Variants in GALNTL6 observed in about 807,000 individuals in gnomAD.
GALNTL6 encodes polypeptide N-acetylgalactosaminyltransferase-like 6.
In GALNTL6, 46 loss-of-function variants were observed where a neutral mutation model predicts 73.7. That is an observed-to-expected ratio of 0.62 (90% CI 0.49 to 0.80). The LOEUF (loss-of-function observed/expected upper bound fraction) is 0.80, where lower values mean the gene tolerates loss of function less well. GALNTL6 is among the 30% of genes least tolerant of loss of function. The pLI, the probability that GALNTL6 is intolerant of heterozygous loss-of-function variation, is 0.00. For missense variants in GALNTL6, 604 were observed against 755.0 expected (o/e 0.80, Z 2.34); for synonymous variants, 259 against 263.7 (o/e 0.98, Z 0.17).
At chr4:172,058,082 C>G (rs1333297263) in intron 2 of GALNTL6, among the ~76,000 whole-genome samples, 1 of 147,452 alleles carries the variant, frequency 6.8e-6, no homozygotes, top group African/African-American at 2.6e-5. Flanking sequence ...CAGGGCCTCA[C>G]TCTGTACAAT....
intron 5 of GALNTL6, among the ~76,000 whole-genome samples, chr4:172,424,176 C>A (rs1731147956): frequency 6.6e-6 from 1 of 152,032 alleles, no homozygotes; most frequent in Non-Finnish European, 1.5e-5. Flanking sequence ...TAAGAACATT[C>A]AACTATGCAC....
chr4:172,306,063 T>C (rs1740126130), intron 3 of GALNTL6, among the ~76,000 whole-genome samples: 1 of 152,154 alleles, frequency 6.6e-6, no homozygotes, highest in Non-Finnish European at 1.5e-5. Flanking sequence ...GGTGGATGTA[T>C]ACATTTTACT....
At chr4:172,876,938 G>A (rs1422327083) in intron 7 of GALNTL6, among the ~76,000 whole-genome samples, 1 of 152,138 alleles carries the variant, frequency 6.6e-6, no homozygotes, top group Non-Finnish European at 1.5e-5. Context: ...AAATTATGTG[G>A]TTCATCTATA....
intron 2 of GALNTL6, among the ~76,000 whole-genome samples, chr4:172,176,402 G>A (rs17058107): frequency 1.4e-5 from 2 of 144,828 alleles, no homozygotes; most frequent in Non-Finnish European, 3.0e-5. Context: ...TGAAAATAAC[G>A]TTTATAGCCA....
At chr4:172,217,303 A>G (rs1248328854) in intron 2 of GALNTL6, among the ~76,000 whole-genome samples, 22 of 152,198 alleles carry the variant, frequency 1.4e-4, no homozygotes. Context: ...TCTTTGTTAC[A>G]TAATGTTACG....
chr4:172,457,258 A>G (rs1239990506), intron 5 of GALNTL6, among the ~76,000 whole-genome samples: 1 of 152,180 alleles, frequency 6.6e-6, no homozygotes, highest in African/African-American at 2.4e-5. Context: ...CTGCAAAAAC[A>G]TACCAAATTG....
In GALNTL6 at chr4:172,752,537, ATTAG is replaced by A. The variant is rs1405662874; in HGVS notation, c.554-56820_554-56817del. Reference sequence around the variant, plus strand: ...TAGTAAATGAAACATAAGTTGCTTAATTAGTTATTCTTTAATTTGTGGTATAAAG... The same window carrying A: ...TAGTAAATGAAACATAAGTTGCTTAATTATTCTTTAATTTGTGGTATAAAG... On this transcript the variant is annotated intron_variant, in intron 5 of 12. Transcript: ENST00000506823. Among the ~76,000 whole-genome samples the A allele has an allele frequency of 2.6e-5, 4 of 152,186 alleles. No individual in the cohort carries two copies. In the East Asian group the frequency reaches 7.7e-4, roughly 29 times the overall value.
intron 3 of GALNTL6, among the ~76,000 whole-genome samples, chr4:172,233,431 A>C (rs1737140941): frequency 6.6e-6 from 1 of 152,080 alleles, no homozygotes; most frequent in Non-Finnish European, 1.5e-5. Flanking sequence ...AGATCCACCT[A>C]GTCTTCATTT....
intron 5 of GALNTL6, among the ~76,000 whole-genome samples, chr4:172,423,741 T>C (rs891541368): frequency 2.0e-5 from 3 of 152,104 alleles, no homozygotes; most frequent in Non-Finnish European, 4.4e-5. Flanking sequence ...GTCTATTTTA[T>C]TCACTCATGT....
chr4:172,162,445 A>G (rs972886191), intron 2 of GALNTL6, among the ~76,000 whole-genome samples: 3 of 152,044 alleles, frequency 2.0e-5, no homozygotes, highest in African/African-American at 7.2e-5. Context: ...TACATCTCTG[A>G]AAAAACTATT....
chr4:172,082,712 A>G (rs569518752), intron 2 of GALNTL6, among the ~76,000 whole-genome samples: 100 of 152,296 alleles, frequency 6.6e-4, no homozygotes, highest in Middle Eastern at 3.4e-3. Context: ...AAAATATTTT[A>G]CTTTAATGGC....
chr4:172,496,557 C>G (rs991194587), intron 5 of GALNTL6, among the ~76,000 whole-genome samples: 1 of 151,976 alleles, frequency 6.6e-6, no homozygotes, highest in Non-Finnish European at 1.5e-5. Flanking sequence ...TAGGCAAACA[C>G]CTGTAGTTCC....
At chr4:172,856,346 T>G (rs1373543372) in intron 7 of GALNTL6, among the ~76,000 whole-genome samples, 3 of 152,224 alleles carry the variant, frequency 2.0e-5, no homozygotes, top group African/African-American at 7.2e-5. Flanking sequence ...AAAATTGTTT[T>G]AGTATAACCT....
intron 5 of GALNTL6, among the ~76,000 whole-genome samples, chr4:172,397,055 G>A (rs1743873963): frequency 6.6e-6 from 1 of 152,014 alleles, no homozygotes; most frequent in Non-Finnish European, 1.5e-5. Flanking sequence ...ATGTAAATTC[G>A]AGATGGAACT....
intron 5 of GALNTL6, among the ~76,000 whole-genome samples, chr4:172,491,212 T>C (rs1339984740): frequency 2.0e-5 from 3 of 152,180 alleles, no homozygotes; most frequent in Non-Finnish European, 4.4e-5. Flanking sequence ...AGAATAATCA[T>C]CATTTAATTC....
chr4:172,050,119 A>G (rs1730805555), intron 2 of GALNTL6, among the ~76,000 whole-genome samples: 1 of 152,122 alleles, frequency 6.6e-6, no homozygotes, highest in South Asian at 2.1e-4. Flanking sequence ...AGTAGTGGTA[A>G]CTTTGGTTTT....
At chr4:172,514,515 G>C (rs1734533518) in intron 5 of GALNTL6, among the ~76,000 whole-genome samples, 1 of 152,140 alleles carries the variant, frequency 6.6e-6, no homozygotes, top group South Asian at 2.1e-4. Context: ...TCTCTGCCGA[G>C]AAATCAAGCA....
chr4:172,277,150 C>T (rs1011898388), intron 3 of GALNTL6, among the ~76,000 whole-genome samples: 1 of 151,988 alleles, frequency 6.6e-6, no homozygotes, highest in Non-Finnish European at 1.5e-5. Flanking sequence ...GGCTGTTGCT[C>T]ACCATTCTTC....
intron 5 of GALNTL6, among the ~76,000 whole-genome samples, chr4:172,488,360 G>A (rs1263187466): frequency 6.6e-6 from 1 of 152,228 alleles, no homozygotes. Context: ...CTACGTGATG[G>A]CCAGGGCCTC....
Sources: gnomAD v4.1 joint callset for allele counts (sites outside exome capture counted in the v4.1 genomes callset) on GRCh38, gnomAD v4.1.1 for gene constraint, MANE v1.5 for transcripts, NCBI Gene and HGNC (gene_info 2026-07-23, HGNC 2026-07-21) for gene names.